CCDC78: variants seen among roughly 807,000 people sequenced by gnomAD.
The protein encoded by CCDC78 is coiled-coil domain-containing protein 78.
Under a neutral mutation model 61.9 loss-of-function variants are expected in CCDC78, and 78 were observed. The ratio of observed to expected loss-of-function variants is 1.26; its 90% confidence interval spans 1.05 to 1.52. The LOEUF (loss-of-function observed/expected upper bound fraction) is 1.52. Among genes scored for constraint, CCDC78 ranks in the 40% most tolerant of loss-of-function variants. The pLI, the probability that CCDC78 is intolerant of heterozygous loss-of-function variation, is 0.00. For missense variants in CCDC78, 737 were observed against 615.5 expected (o/e 1.20, Z -2.09); for synonymous variants, 287 against 251.9 (o/e 1.14, Z -1.32).
At chr16:724,887 C>G in intron 7 of CCDC78, 24 bp downstream of exon 7, 1 of 1,597,110 alleles carries the variant, frequency 6.3e-7, no homozygotes, top group East Asian at 2.3e-5. Flanking sequence ...TCCAGGTCTC[C>G]AAGCAGTCAG....
Position 723,934 on chromosome 16 carries a change from G to T in CCDC78, c.1056C>A (p.His352Gln), listed in dbSNP as rs371958189. 3.1e-6 allele frequency: 5 copies of T among 1,602,500 alleles called. No homozygotes were observed. Among genetic ancestry groups the T allele is most frequent in the South Asian group, 2.2e-5 (2 of 89,598 alleles). ...ATGAGAGCAGTGCCCCAGGCCCGCCGTGCTACAGAGGTTTGTGGTGGGGAC... is the reference window on the plus strand; with the variant it reads ...ATGAGAGCAGTGCCCCAGGCCCGCCTTGCTACAGAGGTTTGTGGTGGGGAC... The part of the protein sequence containing the change: ...VTDFSHREDQ[H>Q]GGPGALLSSP... Residue 352 changes from histidine (H) to glutamine (Q), a missense_variant and splice_region_variant, in exon 11 of 14, where the codon CAC becomes CAA. Coordinates refer to ENST00000345165, the MANE Select transcript of CCDC78 (RefSeq NM_001378030.1).
At position 725,344 on chromosome 16, in the gene CCDC78, T is replaced by G; in HGVS notation, c.436-51A>C. On this transcript the variant is annotated intron_variant, in intron 4 of 13. Transcript: ENST00000345165. ...GCTAAGGGGTGGGTGAGCCCCAGTT[T>G]CACTGAGGCCCCTGCTGAGGCTTCC... 4.3e-6 allele frequency: 7 copies of G among 1,611,308 alleles called. No individual in the cohort carries two copies. In the African/African-American group the frequency reaches 6.7e-5, roughly 15 times the overall value.
upstream of CCDC78, chr16:726,536 G>A (rs1244384943): frequency 1.4e-6 from 1 of 729,364 alleles, no homozygotes; most frequent in East Asian, 2.8e-5. Flanking sequence ...TGGTTGCTGA[G>A]GAGGGAGGAT....
At chr16:725,166 G>T in intron 5 of CCDC78, 21 bp from the exon 6 acceptor site, 2 of 1,612,546 alleles carry the variant, frequency 1.2e-6, no homozygotes, top group South Asian at 2.2e-5. Context: ...CACAGGGCTG[G>T]CTGGATGAGA....
rs1483977509 is a variant in CCDC78 at position 725,963 on chromosome 16, C to T, written c.180+3G>A. 1.3e-6 allele frequency: 2 copies of T among 1,557,968 alleles called. No individual in the cohort carries two copies. The highest frequency in any genetic ancestry group is 8.7e-7 in the Non-Finnish European group (1 of 1,150,660). On this transcript the variant is annotated splice_donor_region_variant and intron_variant, in intron 2 of 13. Coordinates refer to ENST00000345165, the MANE Select transcript of CCDC78 (RefSeq NM_001378030.1). ...CACGAGCACGCTGGGGCCCCACACC[C>T]ACCTGCAGCTGCTGCTCCTTATTGA...
rs772096201 is a variant in CCDC78 at position 724,395 on chromosome 16, G to A, written c.880C>T (p.Arg294Trp). 9.9e-6 allele frequency: 16 copies of A among 1,611,526 alleles called. No homozygotes were observed. The highest frequency in any genetic ancestry group is 3.3e-4 in the Middle Eastern group (2 of 6,058). ...CTCTTGTGGTAGCTGCGGGCAGCCC[G>A]GGCCAGCTGCTGCTCACGGCTGCGG... ...AHRSREQQLA[R>W]AARSYHKRLV... Residue 294 changes from arginine (R) to tryptophan (W), a missense_variant, in exon 9 of 14, where the codon CGG (arginine) becomes TGG (tryptophan). By Grantham distance (101) the Arg-to-Trp change is moderately radical. Transcript: ENST00000345165.
upstream of CCDC78, chr16:726,555 C>T (rs2151580529): frequency 3.1e-6 from 2 of 640,080 alleles, no homozygotes; most frequent in Non-Finnish European, 5.3e-6. Flanking sequence ...ATAGCTCTTC[C>T]TCTCTCCATG....
rs1195222659 is a variant in CCDC78, at chr16:724,910, C to T, written c.639+1G>A. Reference sequence around the variant, plus strand: ...TCCAAGCAGTCAGGGCAGAGCCTCACCACAGCCTGTGTGGCCAGTCGCTGC... The same window carrying T: ...TCCAAGCAGTCAGGGCAGAGCCTCATCACAGCCTGTGTGGCCAGTCGCTGC... On this transcript the variant is annotated splice_donor_variant, in intron 7 of 13. Transcript: ENST00000345165. LOFTEE classifies it high-confidence loss of function. The T allele has an allele frequency of 6.2e-7, 1 of 1,600,772 alleles. No homozygotes were observed. Among genetic ancestry groups the T allele is most frequent in the Non-Finnish European group, 8.5e-7 (1 of 1,174,432 alleles).
intron 9 of CCDC78, 32 bp from the exon 10 acceptor site, chr16:724,237 C>T: frequency 6.3e-7 from 1 of 1,584,766 alleles, no homozygotes; most frequent in Non-Finnish European, 8.6e-7. Context: ...TGTCTGGGGC[C>T]ACTCCTGCTG....
chr16:724,353 G>A lies in CCDC78; in HGVS notation c.922C>T (p.Arg308Cys), dbSNP rs758630518. ...GCAACCAGTAGCTCTTCATGCCTGC[G>A]GCTCAGATCCACCAGCCTCTTGTGG... is the stretch of plus-strand genomic sequence containing the variant. ...SYHKRLVDLS[R>C]RHEELLVAYR... The change falls in exon 9 of 14, where the codon CGC (arginine) becomes TGC (cysteine). Residue 308 changes from arginine (R) to cysteine (C), a missense_variant. By Grantham distance (180) the Arg-to-Cys change is radical. Transcript: ENST00000345165. 15 of 1,612,266 alleles carry A rather than the reference G, an allele frequency of 9.3e-6. No individual in the cohort carries two copies. The highest frequency in any genetic ancestry group is 2.2e-5 in the East Asian group (1 of 44,868).
rs1341918993 is a variant in CCDC78 at position 726,324 on chromosome 16, G to A, written c.44C>T (p.Ser15Phe). Residue 15 changes from serine to phenylalanine, a missense_variant, in exon 1 of 14, where the codon TCT (serine) becomes TTT (phenylalanine). Ser to Phe is a radical substitution (Grantham distance 155). Coordinates refer to ENST00000345165, the MANE Select transcript of CCDC78 (RefSeq NM_001378030.1). ...ATTGPRPGPPSRRVENVVLRA... is the reference protein window; with the variant it reads ...ATTGPRPGPPFRRVENVVLRA... The stretch of plus-strand genomic sequence containing the variant: ...AGGACTCACATTCTCCACCCGCCGA[G>A]AGGGAGGTCCAGGCCTGGGGCCTGT... 3.2e-6 allele frequency: 5 copies of A among 1,548,444 alleles called. No homozygotes were observed. The South Asian group carries it at 5.9e-5, about 18-fold the overall frequency.
rs1203607617 is a variant in CCDC78, at chr16:724,378, G to T, written c.897C>A (p.Tyr299Ter). 2.2e-5 allele frequency: 35 copies of T among 1,612,222 alleles called. No homozygotes were observed. The highest frequency in any genetic ancestry group is 3.0e-5 in the Non-Finnish European group (35 of 1,179,952). Reference sequence around the variant, plus strand: ...GGCTCAGATCCACCAGCCTCTTGTGGTAGCTGCGGGCAGCCCGGGCCAGCT... The same window carrying T: ...GGCTCAGATCCACCAGCCTCTTGTGTTAGCTGCGGGCAGCCCGGGCCAGCT... ...EQQLARAARS[Y>*]HKRLVDLSRR... Residue 299 changes from tyrosine to a stop codon, truncating the protein, a stop_gained, in exon 9 of 14, where the codon TAC becomes TAA. Coordinates refer to ENST00000345165, the MANE Select transcript of CCDC78 (RefSeq NM_001378030.1). LOFTEE classifies it high-confidence loss of function.
Position 723,870 on chromosome 16 carries a change from T to C in CCDC78, c.1120A>G (p.Thr374Ala). 1.3e-6 allele frequency: 2 copies of C among 1,592,656 alleles called. No homozygotes were observed. Among genetic ancestry groups the C allele is most frequent in the Non-Finnish European group, 1.7e-6 (2 of 1,169,798 alleles). ...KRPGGASQGG[T>A]SEPQGLDAAS... ...GAGGGCACTCACTGTGGCTCTGATGTTCCCCCCTGGGAGGCTCCACCGGGT... is the reference window on the plus strand; with the variant it reads ...GAGGGCACTCACTGTGGCTCTGATGCTCCCCCCTGGGAGGCTCCACCGGGT... Residue 374 changes from threonine to alanine, a missense_variant, in exon 11 of 14, where the codon ACA (threonine) becomes GCA (alanine). Thr to Ala is a moderately conservative substitution (Grantham distance 58). Transcript: ENST00000345165.
In CCDC78 at chr16:724,755, G is replaced by A. The variant is rs527479144; in HGVS notation, c.691C>T (p.Arg231Trp). 1.5e-5 allele frequency: 24 copies of A among 1,612,094 alleles called. No individual in the cohort carries two copies. The highest frequency in any genetic ancestry group is 1.7e-5 in the Non-Finnish European group (20 of 1,179,766). Residue 231 changes from arginine (R) to tryptophan (W), a missense_variant, in exon 8 of 14, where the codon CGG (arginine) becomes TGG (tryptophan). Arg to Trp is a moderately radical substitution (Grantham distance 101). Coordinates refer to ENST00000345165, the MANE Select transcript of CCDC78 (RefSeq NM_001378030.1). Reference sequence around the variant, plus strand: ...AGTTTCTTGAGCTGCAGCTGCAGCCGGGCATTTTCAGCCTCTGCCTGACGG... The same window carrying A: ...AGTTTCTTGAGCTGCAGCTGCAGCCAGGCATTTTCAGCCTCTGCCTGACGG... ...QLRQAEAENARLQLQLKKLKD... is the reference protein window; with the variant it reads ...QLRQAEAENAWLQLQLKKLKD...
rs144624081 is a variant in CCDC78 at position 726,037 on chromosome 16, C to T, written c.109G>A (p.Ala37Thr). ...DWLPGAPGGT[A>T]VWATSLEAEV... The stretch of plus-strand genomic sequence containing the variant: ...GCTTCCAAGCTGGTGGCCCACACTG[C>T]GGTGCCCCCAGGAGCTCCTGGCAGC... Residue 37 changes from alanine to threonine, a missense_variant, in exon 2 of 14, where the codon GCA (alanine) becomes ACA (threonine). Transcript: ENST00000345165. The T allele has an allele frequency of 3.6e-5, 56 of 1,548,706 alleles. 1 individual carries two copies. In the African/African-American group the frequency reaches 4.0e-4, roughly 11 times the overall value.
chr16:723,293 C>T (rs778607736), intron 11 of CCDC78, 132 bp from the exon 12 acceptor site: 14 of 842,308 alleles, frequency 1.7e-5, no homozygotes, highest in Non-Finnish European at 2.4e-5. Flanking sequence ...AGGCATGGGC[C>T]CCCCCCGTGC....
At chr16:725,758 C>T in intron 3 of CCDC78, 36 bp downstream of exon 3, 1 of 1,586,236 alleles carries the variant, frequency 6.3e-7, no homozygotes, top group Non-Finnish European at 8.6e-7. Context: ...ACCCCCCGTC[C>T]CCCATGCACT....
rs2040372836 is a variant in CCDC78, at chr16:723,037, T to A, written c.1201-15A>T. 1 of 1,612,460 alleles carries A rather than the reference T, an allele frequency of 6.2e-7. No individual in the cohort carries two copies. Among genetic ancestry groups the A allele is most frequent in the Non-Finnish European group, 8.5e-7 (1 of 1,179,970 alleles). On this transcript the variant is annotated splice_polypyrimidine_tract_variant and intron_variant, in intron 12 of 13. Transcript: ENST00000345165. Reference sequence around the variant, plus strand: ...TCCAGCTCTGCCTGGCATGGGGATGTAAGCCATGAGCTGGGGCATGGCGTG... The same window carrying A: ...TCCAGCTCTGCCTGGCATGGGGATGAAAGCCATGAGCTGGGGCATGGCGTG...
rs752406944 is a variant in CCDC78, at chr16:725,396, C to T, written c.435+17G>A. The stretch of plus-strand genomic sequence containing the variant: ...TCTGGCCTTTCCCAGCCAGGCTCTC[C>T]ATATGCTCATGGTAACCTGGAATCT... On this transcript the variant is annotated intron_variant, in intron 4 of 13. Coordinates refer to ENST00000345165, the MANE Select transcript of CCDC78 (RefSeq NM_001378030.1). 1.9e-6 allele frequency: 3 copies of T among 1,612,408 alleles called. No individual in the cohort carries two copies. The highest frequency in any genetic ancestry group is 2.5e-6 in the Non-Finnish European group (3 of 1,179,800).
Sources: gnomAD v4.1 joint callset for allele counts on GRCh38, gnomAD v4.1.1 for gene constraint, MANE v1.5 for transcripts, NCBI Gene and HGNC (gene_info 2026-07-23, HGNC 2026-07-21) for gene names.